The following ROBO2 variants were observed in gnomAD, a reference collection of about 807,000 sequenced individuals.
ROBO2 encodes the protein roundabout homolog 2.
ROBO2 carries 53 observed loss-of-function variants against 160.8 expected under a neutral mutation model. The observed-to-expected ratio is 0.33, with a 90% confidence interval of 0.26 to 0.41. The LOEUF is 0.41. Ranked by LOEUF, ROBO2 falls within the 10% of genes least tolerant of loss-of-function variation. The pLI is 1.00. For synonymous variants in ROBO2, 664 were observed against 611.7 expected (o/e 1.09, Z -1.26); for missense variants, 1,577 against 1,722.4 (o/e 0.92, Z 1.49).
chr3:76,964,979 A>T (rs1003345250), intron 2 of ROBO2, among the ~76,000 whole-genome samples: 2 of 152,192 alleles, frequency 1.3e-5, no homozygotes, highest in African/African-American at 4.8e-5. Context: ...CCACATCTAA[A>T]CATTTTTGTT....
At chr3:76,947,352 G>A (rs189936296) in intron 2 of ROBO2, among the ~76,000 whole-genome samples, 1 of 152,032 alleles carries the variant, frequency 6.6e-6, no homozygotes, top group Non-Finnish European at 1.5e-5. Flanking sequence ...TTTCAGAATA[G>A]TCTTGTTGGA....
chr3:76,907,165 A>G, intron 2 of ROBO2, among the ~76,000 whole-genome samples: 1 of 152,204 alleles, frequency 6.6e-6, no homozygotes, highest in East Asian at 1.9e-4. Context: ...AGAGGGTGGT[A>G]GAGAAGAAAG....
chr3:77,596,755 G>T lies in ROBO2; in HGVS notation c.2854+5G>T. 6.2e-7 allele frequency: 1 copy of T among 1,611,616 alleles called. No individual in the cohort carries two copies. The highest frequency in any genetic ancestry group is 8.5e-7 in the Non-Finnish European group (1 of 1,179,072). ...TTGGAAATTTTGGCCGTGGAGGTAAGTTGTGTTTTTTAAAATAGTGTTATT... is the reference window on the plus strand; with the variant it reads ...TTGGAAATTTTGGCCGTGGAGGTAATTTGTGTTTTTTAAAATAGTGTTATT... On this transcript the variant is annotated splice_donor_5th_base_variant and intron_variant, in intron 19 of 25. Coordinates refer to ENST00000461745, the Ensembl canonical transcript of ROBO2.
intron 5 of ROBO2, among the ~76,000 whole-genome samples, chr3:77,520,765 C>T (rs2090510514): frequency 1.3e-5 from 2 of 151,270 alleles, no homozygotes. Context: ...TACAGCTAAG[C>T]ATGTCATGCA....
chr3:76,368,593 A>G (rs1483502672), intron 2 of ROBO2, among the ~76,000 whole-genome samples: 3 of 152,072 alleles, frequency 2.0e-5, no homozygotes, highest in Non-Finnish European at 2.9e-5. Context: ...GCATTTAGAC[A>G]TCTCACATGG....
chr3:76,370,421 GA>G (rs2076046911), intron 2 of ROBO2, among the ~76,000 whole-genome samples: 2 of 151,900 alleles, frequency 1.3e-5, no homozygotes, highest in South Asian at 4.1e-4. Context: ...TTCACAGAGG[GA>G]AATTTGAACA....
chr3:76,031,517 A>G (rs1050188087), intron 2 of ROBO2, among the ~76,000 whole-genome samples: 1 of 152,110 alleles, frequency 6.6e-6, no homozygotes, highest in African/African-American at 2.4e-5. Context: ...AATAGCTCTT[A>G]TTATTTTGAG....
chr3:77,321,214 C>T (rs1199145521), intron 2 of ROBO2, among the ~76,000 whole-genome samples: 1 of 152,028 alleles, frequency 6.6e-6, no homozygotes, highest in Non-Finnish European at 1.5e-5. Flanking sequence ...CTGTACTTCT[C>T]TGTGTATTAG....
chr3:76,553,299 G>A (rs1231883485), intron 2 of ROBO2, among the ~76,000 whole-genome samples: 1 of 152,174 alleles, frequency 6.6e-6, no homozygotes, highest in African/African-American at 2.4e-5. Context: ...TGTGGCAGAA[G>A]AGATATCGAA....
chr3:77,108,273 CATATATATATATGTATACACATATGCAT>C lies in ROBO2; in HGVS notation c.388+9944_388+9971del, dbSNP rs1560026123. On this transcript the variant is annotated intron_variant, in intron 2 of 25. Coordinates refer to ENST00000461745, the Ensembl canonical transcript of ROBO2. ...ATGCATATATATGTATACACATATG[CATATATATATATGTATACACATATGCAT>C]ATATATATATGTATACACATATGCA... Among the ~76,000 whole-genome samples, 519 of 91,742 alleles carry C rather than the reference CATATATATATATGTATACACATATGCAT, an allele frequency of 5.7e-3. 6 individuals carry two copies. Among genetic ancestry groups the C allele is most frequent in the Middle Eastern group, 0.027 (4 of 146 alleles). The allele number at this position is 91,742 out of a possible 152,430, so 60.2% of individuals were successfully genotyped here. A position where few individuals can be genotyped will look rare whatever the true frequency, so the allele number is the denominator to read the frequency against.
intron 2 of ROBO2, among the ~76,000 whole-genome samples, chr3:77,362,846 G>T (rs9831429): frequency 6.6e-6 from 1 of 151,854 alleles, no homozygotes; most frequent in Admixed American, 6.6e-5. Flanking sequence ...AAGGCGGTGC[G>T]TTGAGAGGAA....
chr3:77,550,905 C>T (rs1405895921), exon 8 of ROBO2: 9 of 1,612,952 alleles, frequency 5.6e-6, no homozygotes, highest in Admixed American at 1.7e-5. Flanking sequence ...CAACATTCAA[C>T]GTTCCGACGC....
At chr3:76,535,496 T>C (rs1054376325) in intron 2 of ROBO2, among the ~76,000 whole-genome samples, 1 of 151,788 alleles carries the variant, frequency 6.6e-6, no homozygotes, top group South Asian at 2.1e-4. Flanking sequence ...TACTTGCAGA[T>C]TGAGGTGAGG....
chr3:77,066,178 G>A (rs78400043), intron 1 of ROBO2, among the ~76,000 whole-genome samples: 393 of 152,026 alleles, frequency 2.6e-3, no homozygotes, highest in African/African-American at 9.1e-3. Context: ...ATGGGAAATC[G>A]CAAGATAAAC....
intron 24 of ROBO2, among the ~76,000 whole-genome samples, chr3:77,640,070 T>A (rs1045564083): frequency 6.9e-6 from 1 of 145,536 alleles, no homozygotes; most frequent in African/African-American, 2.5e-5. Flanking sequence ...TGTGACCAAC[T>A]GAGAGAAGAA....
At chr3:77,362,356 G>C (rs1246737411) in intron 2 of ROBO2, among the ~76,000 whole-genome samples, 1 of 152,050 alleles carries the variant, frequency 6.6e-6, no homozygotes, top group Non-Finnish European at 1.5e-5. Context: ...ATTGCTAAGA[G>C]GAAGCATCTG....
At position 76,673,318 on chromosome 3, in the gene ROBO2, G is replaced by C. The variant is rs115451674; in HGVS notation, c.110-424696G>C. Among the ~76,000 whole-genome samples the C allele has an allele frequency of 3.4e-3, 520 of 152,238 alleles. 4 individuals are homozygous for C. Among genetic ancestry groups the C allele is most frequent in the African/African-American group, 0.012 (489 of 41,576 alleles). On this transcript the variant is annotated intron_variant, in intron 2 of 26. Transcript: ENST00000487694. ...CATTGAGATCGGAAACATCAGGAGA[G>C]TGTTAAACCACAGAGGGCTGAGCCC...
chr3:76,821,677 T>A (rs2066130443), intron 2 of ROBO2, among the ~76,000 whole-genome samples: 1 of 151,592 alleles, frequency 6.6e-6, no homozygotes, highest in African/African-American at 2.4e-5. Flanking sequence ...ATACCAAAAT[T>A]AAAGGGAGGC....
intron 9 of ROBO2, 56 bp downstream of exon 10, chr3:77,558,205 T>G: frequency 1.4e-6 from 2 of 1,426,246 alleles, no homozygotes; most frequent in South Asian, 1.1e-5. Context: ...TACTGCTCTA[T>G]GGAAAAATTG....
Sources: gnomAD v4.1 joint callset for allele counts (sites outside exome capture counted in the v4.1 genomes callset) on GRCh38, gnomAD v4.1.1 for gene constraint, MANE v1.5 for transcripts, NCBI Gene and HGNC (gene_info 2026-07-23, HGNC 2026-07-21) for gene names.